CRB1: variants seen among roughly 807,000 people sequenced by gnomAD.
CRB1 encodes crumbs cell polarity complex component 1.
Under a neutral mutation model 120.0 loss-of-function variants are expected in CRB1, and 83 were observed. The ratio of observed to expected loss-of-function variants is 0.69; its 90% confidence interval spans 0.58 to 0.83. The LOEUF is 0.83. Among genes scored for constraint, CRB1 ranks in the 40% least tolerant of loss-of-function variants. The pLI is 0.00. For missense variants in CRB1, 1,699 were observed against 1,687.6 expected (o/e 1.01, Z -0.12); for synonymous variants, 625 against 612.5 (o/e 1.02, Z -0.30).
At chr1:197,300,173 G>A (rs1008199955) in intron 1 of CRB1, among the ~76,000 whole-genome samples, 10 of 151,524 alleles carry the variant, frequency 6.6e-5, no homozygotes, top group Non-Finnish European at 1.2e-4. Flanking sequence ...AATTAATAAC[G>A]CTTTCAATGT....
intron 1 of CRB1, among the ~76,000 whole-genome samples, chr1:197,276,744 G>A (rs964521991): frequency 1.3e-5 from 2 of 151,872 alleles, no homozygotes; most frequent in African/African-American, 4.8e-5. Flanking sequence ...TAACTGAAGT[G>A]GATTGAGTAA....
chr1:197,232,776 G>A, the CRB1 span, among the ~76,000 whole-genome samples: 1 of 151,930 alleles, frequency 6.6e-6, no homozygotes, highest in East Asian at 1.9e-4. Flanking sequence ...CCTATATTTG[G>A]GTAACTATAT....
At position 197,428,000 on chromosome 1, in the gene CRB1, AG is replaced by A; in HGVS notation, c.2676+1del. 1 of 1,613,112 alleles carries A rather than the reference AG, an allele frequency of 6.2e-7. No homozygotes were observed. On this transcript the variant is annotated frameshift_variant and splice_region_variant, in exon 7 of 12. Transcript: ENST00000367400. LOFTEE classifies it high-confidence loss of function. ...GGCTGTGCTGGAGACAACAGCTGCA[AG>A]GTAATGATTACTCATACAAACTAGG... ...TQGCAGDNSCKSNPCHNGGVC... is the reference protein window; with the variant it reads ...TQGCAGDNSCXSNPCHNGGVC...
intron 5 of CRB1, among the ~76,000 whole-genome samples, chr1:197,414,408 C>A (rs1307262313): frequency 6.6e-6 from 1 of 151,916 alleles, no homozygotes; most frequent in Non-Finnish European, 1.5e-5. Context: ...AATATAAAGT[C>A]TACGTTCCTT....
the CRB1 span, among the ~76,000 whole-genome samples, chr1:197,229,778 G>A: frequency 1.3e-5 from 2 of 152,062 alleles, no homozygotes; most frequent in African/African-American, 4.8e-5. Context: ...CTTGCCCTCT[G>A]CCTCTCATTT....
intron 2 of CRB1, among the ~76,000 whole-genome samples, chr1:197,336,996 G>A (rs1659191370): frequency 6.6e-6 from 1 of 152,160 alleles, no homozygotes; most frequent in African/African-American, 2.4e-5. Context: ...GAGAAGGACT[G>A]CAGAGATATT....
intron 5 of CRB1, among the ~76,000 whole-genome samples, chr1:197,372,996 T>G (rs1353054531): frequency 6.6e-6 from 1 of 152,136 alleles, no homozygotes; most frequent in Non-Finnish European, 1.5e-5. Context: ...ATCTAAGGAA[T>G]AAGAAGCCTA....
At chr1:197,432,787 T>A (rs1421646910) in intron 8 of CRB1, among the ~76,000 whole-genome samples, 1 of 152,120 alleles carries the variant, frequency 6.6e-6, no homozygotes, top group African/African-American at 2.4e-5. Flanking sequence ...TTTTTTTAAC[T>A]TGGATAGTCA....
chr1:197,355,726 C>CT (rs1203424459), intron 4 of CRB1, among the ~76,000 whole-genome samples: 1 of 152,200 alleles, frequency 6.6e-6, no homozygotes, highest in East Asian at 1.9e-4. Flanking sequence ...CCAGAACTCA[C>CT]GCAGCCCCGC....
At position 197,331,687 on chromosome 1, in the gene CRB1, A is replaced by G. The variant is rs539132037; in HGVS notation, c.652+2684A>G. Among the ~76,000 whole-genome samples the G allele has an allele frequency of 1.9e-4, 29 of 152,320 alleles. 1 individual carries two copies. Among genetic ancestry groups the G allele is most frequent in the African/African-American group, 6.7e-4 (28 of 41,564 alleles). On this transcript the variant is annotated intron_variant, in intron 2 of 11. Transcript: ENST00000367400. ...TTCTGCTTCTATCTCAATATTGTGA[A>G]TGGTGATTAAAAGGAATAGATATAA...
At chr1:197,298,727 A>G (rs952817551) in intron 1 of CRB1, among the ~76,000 whole-genome samples, 1 of 152,154 alleles carries the variant, frequency 6.6e-6, no homozygotes, top group African/African-American at 2.4e-5. Context: ...AAACGGCCAT[A>G]TATAAGTGGA....
chr1:197,291,765 A>G (rs981551029), intron 1 of CRB1, among the ~76,000 whole-genome samples: 2 of 151,838 alleles, frequency 1.3e-5, no homozygotes, highest in Non-Finnish European at 2.9e-5. Flanking sequence ...AATGCATTAT[A>G]TGTACATACA....
At chr1:197,434,624 A>G (rs1360743090) in intron 8 of CRB1, 82 bp from the exon 9 acceptor site, 2 of 1,227,570 alleles carry the variant, frequency 1.6e-6, no homozygotes. Context: ...TATTAACACA[A>G]TGATCATTAC....
intron 1 of CRB1, among the ~76,000 whole-genome samples, chr1:197,301,793 CAGG>C (rs945220571): frequency 6.6e-6 from 1 of 151,864 alleles, no homozygotes; most frequent in African/African-American, 2.4e-5. Flanking sequence ...GTGGAAATAG[CAGG>C]AGAAGTAGAA....
chr1:197,214,927 G>A, the CRB1 span, among the ~76,000 whole-genome samples: 8 of 151,150 alleles, frequency 5.3e-5, no homozygotes, highest in African/African-American at 7.3e-5. Context: ...TACAAAAATC[G>A]TAAAAACAAA....
intron 1 of CRB1, among the ~76,000 whole-genome samples, chr1:197,287,257 G>T (rs1655881143): frequency 6.6e-6 from 1 of 151,832 alleles, no homozygotes; most frequent in Non-Finnish European, 1.5e-5. Flanking sequence ...CTGGCCCTTG[G>T]AACTGCAAAA....
intron 5 of CRB1, among the ~76,000 whole-genome samples, chr1:197,390,019 A>G (rs557193703): frequency 1.3e-5 from 2 of 152,168 alleles, no homozygotes; most frequent in Admixed American, 1.3e-4. Flanking sequence ...ACTTCCTTTT[A>G]TTATGGTATT....
At chr1:197,476,524 G>A (rs1002531459) in intron 11 of CRB1, among the ~76,000 whole-genome samples, 1 of 152,066 alleles carries the variant, frequency 6.6e-6, no homozygotes, top group African/African-American at 2.4e-5. Flanking sequence ...ATTGCTGATT[G>A]AATGCACAAA....
chr1:197,268,514 G>A, intron 1 of CRB1, 32 bp downstream of exon 1: 1 of 1,455,836 alleles, frequency 6.9e-7, no homozygotes, highest in Non-Finnish European at 9.7e-7. Flanking sequence ...CATTTTTCCT[G>A]GTTTATTTCT....
Sources: allele counts gnomAD v4.1 joint callset (sites outside exome capture counted in the v4.1 genomes callset), GRCh38; gene constraint gnomAD v4.1.1; transcripts MANE v1.5; gene names NCBI Gene and HGNC (gene_info 2026-07-23, HGNC 2026-07-21).